TTN: variants seen among roughly 807,000 people sequenced by gnomAD.
TTN encodes the protein connectin.
TTN carries 1,525 observed loss-of-function variants against 3,223.0 expected under a neutral mutation model. The ratio of observed to expected loss-of-function variants is 0.47; its 90% confidence interval spans 0.45 to 0.49. TTN has a LOEUF of 0.49. Among genes scored for constraint, TTN ranks in the 20% least tolerant of loss-of-function variants. The probability of loss-of-function intolerance (pLI) is 0.00; values close to 1 mark genes in which losing one functional copy is unlikely to be tolerated. For synonymous variants in TTN, 14,094 were observed against 15,161.0 expected (o/e 0.93, Z 5.17); for missense variants, 40,786 against 43,424.0 (o/e 0.94, Z 5.40).
At position 178,537,663 on chromosome 2, in the gene TTN, C is replaced by T. The variant is rs1060500530; in HGVS notation, c.99544G>A (p.Val33182Ile). ...AGGAGAAGCTTACTACTGGTTTCTA[C>T]TTCTCCAACCTCATTGGTGGCTATG... ...TCIATNEVGE[V>I]ETSSKLLLQA... The change falls in exon 355 of 363, where the codon GTA becomes ATA. Residue 33182 changes from valine (V) to isoleucine (I), a missense_variant. By Grantham distance (29) the Val-to-Ile change is conservative. Coordinates refer to ENST00000589042, the MANE Select transcript of TTN (RefSeq NM_001267550.2). The T allele has an allele frequency of 2.5e-6, 4 of 1,613,692 alleles. No individual in the cohort carries two copies. Among genetic ancestry groups the T allele is most frequent in the Non-Finnish European group, 1.7e-6 (2 of 1,179,806 alleles).
At chr2:178,671,884 A>T in intron 155 of TTN, 87 bp downstream of exon 155, 1 of 1,434,534 alleles carries the variant, frequency 7.0e-7, no homozygotes, top group East Asian at 2.3e-5. Context: ...GGGGTTTCTA[A>T]TCTTCCAAAC....
At chr2:178,640,326 T>C (rs2061069954) in intron 221 of TTN, among the ~76,000 whole-genome samples, 2 of 152,026 alleles carry the variant, frequency 1.3e-5, no homozygotes, top group Admixed American at 6.6e-5. Flanking sequence ...ATTTATCTCA[T>C]TGCCCATAAA....
Position 178,586,101 on chromosome 2 carries a change from C to T in TTN, c.64396+404G>A, listed in dbSNP as rs565828698. On this transcript the variant is annotated intron_variant, in intron 308 of 362. Coordinates refer to ENST00000589042, the MANE Select transcript of TTN (RefSeq NM_001267550.2). ...TATTTCTCCACATCCTCTCTAGCAC[C>T]TGTTGTTTCCTGACTTTTTAGTGAT... Among the ~76,000 whole-genome samples, 3 of 152,188 alleles carry T rather than the reference C, an allele frequency of 2.0e-5. No individual in the cohort carries two copies. In the East Asian group the frequency reaches 5.8e-4, roughly 30 times the overall value.
At position 178,633,062 on chromosome 2, in the gene TTN, T is replaced by C; in HGVS notation, c.43087-18A>G. ...TCACAGTCCTGTTTGGAGTGAGGGT[T>C]AGAAGGAAAGAAAGAACATCATTTA... On this transcript the variant is annotated intron_variant, in intron 233 of 362. Transcript: ENST00000589042. 1 of 1,608,292 alleles carries C rather than the reference T, an allele frequency of 6.2e-7. No individual in the cohort carries two copies. The highest frequency in any genetic ancestry group is 1.1e-5 in the South Asian group (1 of 89,976).
chr2:178,628,551 T>C (rs1282139463), intron 240 of TTN, among the ~76,000 whole-genome samples: 2 of 152,064 alleles, frequency 1.3e-5, no homozygotes, highest in Non-Finnish European at 2.9e-5. Flanking sequence ...TTTAGGCAAA[T>C]TGTATTGTGG....
chr2:178,730,826 AG>A, intron 60 of TTN, 34 bp from the exon 61 acceptor site: 1 of 1,542,024 alleles, frequency 6.5e-7, no homozygotes, highest in Admixed American at 2.2e-5. Flanking sequence ...CAACAAAAAA[AG>A]GTCAATCTAC....
At position 178,636,299 on chromosome 2, in the gene TTN, T is replaced by G; in HGVS notation, c.41330-58A>C. ...TACAATATTTTCAATGAAATAAAAC[T>G]TGGAAATAAGAGGTTTTGTAAAACT... On this transcript the variant is annotated intron_variant, in intron 225 of 362. Coordinates refer to ENST00000589042, the MANE Select transcript of TTN (RefSeq NM_001267550.2). The surrounding 1 kb of genome is among the most constrained non-coding windows in gnomAD (Gnocchi z 4.3). 1 of 1,482,378 alleles carries G rather than the reference T, an allele frequency of 6.7e-7. No individual in the cohort carries two copies. The highest frequency in any genetic ancestry group is 2.5e-5 in the Admixed American group (1 of 39,400). 91.8% of individuals were successfully genotyped at this position (1,482,378 alleles called of 1,614,324 possible). A position where few individuals can be genotyped will look rare whatever the true frequency, so the allele number is the denominator to read the frequency against.
At position 178,770,673 on chromosome 2, in the gene TTN, C is replaced by T. The variant is rs376758159; in HGVS notation, c.8119G>A (p.Val2707Ile). 7 of 1,610,430 alleles carry T rather than the reference C, an allele frequency of 4.3e-6. No homozygotes were observed. The highest frequency in any genetic ancestry group is 1.3e-5 in the African/African-American group (1 of 74,876). Residue 2707 changes from valine to isoleucine, a missense_variant and splice_region_variant, in exon 35 of 363, where the codon GTC becomes ATC. Physicochemically the swap from Val to Ile is conservative, Grantham distance 29 (BLOSUM62 3). Coordinates refer to ENST00000589042, the MANE Select transcript of TTN (RefSeq NM_001267550.2). ...KTSAKLKVEA[V>I]KIKKTLKNLT... ...TTCTTCAGAGTCTTCTTAATTTTGACAGCTAAAGACAAATTTATGATTGGG... is the reference window on the plus strand; with the variant it reads ...TTCTTCAGAGTCTTCTTAATTTTGATAGCTAAAGACAAATTTATGATTGGG...
chr2:178,701,060 T>C (rs2074877617), intron 111 of TTN, 60 bp downstream of exon 111: 1 of 1,538,516 alleles, frequency 6.5e-7, no homozygotes, highest in Admixed American at 1.7e-5. Context: ...TTAAGCAACA[T>C]TTTTCGGGTC....
intron 52 of TTN, 36 bp downstream of exon 52, chr2:178,734,292 A>G (rs187658908): frequency 2.0e-6 from 3 of 1,515,932 alleles, no homozygotes; most frequent in African/African-American, 2.8e-5. Context: ...TAGTTTGACA[A>G]TTTATTAAAG....
chr2:178,636,876 A>G lies in TTN; in HGVS notation c.40928-77T>C. 1 of 1,457,744 alleles carries G rather than the reference A, an allele frequency of 6.9e-7. No homozygotes were observed. The highest frequency in any genetic ancestry group is 9.1e-7 in the Non-Finnish European group (1 of 1,098,784). The allele number at this position is 1,457,744 out of a possible 1,614,324, so 90.3% of individuals were successfully genotyped here. ...AAGTTCATACTTGGCTGCCTGCTGGATAAAACCAGCCGTAAAGCAATTAGA... is the reference window on the plus strand; with the variant it reads ...AAGTTCATACTTGGCTGCCTGCTGGGTAAAACCAGCCGTAAAGCAATTAGA... On this transcript the variant is annotated intron_variant, in intron 224 of 362. Transcript: ENST00000589042. This position sits in a 1 kb window ranked among gnomAD's most constrained non-coding sequence, Gnocchi z 4.3.
intron 243 of TTN, 42 bp from the exon 244 acceptor site, chr2:178,622,050 C>A: frequency 6.5e-7 from 1 of 1,541,078 alleles, no homozygotes; most frequent in South Asian, 1.2e-5. Context: ...CTTGTTGTTC[C>A]TTCACACAGG....
rs896934140 is a variant in TTN, at chr2:178,583,880, C to G, written c.65302G>C (p.Asp21768His). Reference protein sequence around the residue: ...VDPPGKPEVIDVTKSTVSLIW... With the variant: ...VDPPGKPEVIHVTKSTVSLIW... ...AGAGATACAGTACTCTTGGTGACAT[C>G]AATAACCTCAGGTTTCCCAGGAGGA... Residue 21768 changes from aspartate (D) to histidine (H), a missense_variant, in exon 312 of 363, where the codon GAT becomes CAT. Asp to His is a moderately conservative substitution (Grantham distance 81). Transcript: ENST00000589042. 2 of 1,591,034 alleles carry G rather than the reference C, an allele frequency of 1.3e-6. No homozygotes were observed. The highest frequency in any genetic ancestry group is 1.7e-6 in the Non-Finnish European group (2 of 1,165,564).
At position 178,550,024 on chromosome 2, in the gene TTN, G is replaced by C; in HGVS notation, c.91814C>G (p.Ser30605Cys). 3.1e-6 allele frequency: 5 copies of C among 1,611,228 alleles called. No individual in the cohort carries two copies. Among genetic ancestry groups the C allele is most frequent in the Non-Finnish European group, 4.2e-6 (5 of 1,177,834 alleles). Residue 30605 changes from serine (S) to cysteine (C), a missense_variant, in exon 337 of 363, where the codon TCT (serine) becomes TGT (cysteine). Ser to Cys is a moderately radical substitution (Grantham distance 112, BLOSUM62 -1). Transcript: ENST00000589042. ...TTTAATTTCTGCTTTTGCAGAACCA[G>C]ATGCATTTTTGGCTTCCACTGTGTA... The part of the protein sequence containing the change: ...GVYTVEAKNA[S>C]GSAKAEIKVK...
At chr2:178,767,627 CAAGT>C in intron 40 of TTN, 128 bp downstream of exon 40, 2 of 1,326,908 alleles carry the variant, frequency 1.5e-6, no homozygotes, top group South Asian at 2.5e-5. Flanking sequence ...GAGTCTAAGC[CAAGT>C]AAGAATGAGC....
In TTN at chr2:178,675,727, G is replaced by A. The variant is rs2067939019; in HGVS notation, c.34481C>T (p.Pro11494Leu). 8 of 1,432,520 alleles carry A rather than the reference G, an allele frequency of 5.6e-6. No individual in the cohort carries two copies. The highest frequency in any genetic ancestry group is 7.3e-6 in the Non-Finnish European group (8 of 1,102,346). 88.7% of individuals were successfully genotyped at this position (1,432,520 alleles called of 1,614,324 possible). ...KVSVVPKKPE[P>L]EKKVPPPGLK... ...ACCAGGAGGAGGGACCTTCTTTTCT[G>A]GCTCAGGTTTCTTAGGTACCACAGA... Residue 11494 changes from proline (P) to leucine (L), a missense_variant, in exon 149 of 363, where the codon CCA becomes CTA. By Grantham distance (98) the Pro-to-Leu change is moderately conservative (BLOSUM62 -3). Transcript: ENST00000589042.
At chr2:178,640,253 T>C in intron 221 of TTN, 143 bp from the exon 222 acceptor site, 1 of 817,418 alleles carries the variant, frequency 1.2e-6, no homozygotes, top group Non-Finnish European at 1.9e-6. Context: ...TTTGATTAGT[T>C]TTCATTTTAA....
chr2:178,671,731 A>G (rs1324042514), intron 155 of TTN, among the ~76,000 whole-genome samples: 1 of 151,764 alleles, frequency 6.6e-6, no homozygotes, highest in Non-Finnish European at 1.5e-5. Context: ...AGATTTAAAA[A>G]ATAATCCCCA....
At chr2:178,559,277 G>T in intron 326 of TTN, 34 bp downstream of exon 326, 1 of 1,516,648 alleles carries the variant, frequency 6.6e-7, no homozygotes, top group South Asian at 1.3e-5. Flanking sequence ...AAATTAACGT[G>T]GATATGTAGA....
Sources: gnomAD v4.1 joint callset for allele counts (sites outside exome capture counted in the v4.1 genomes callset) on GRCh38, gnomAD v4.1.1 for gene constraint, Gnocchi (gnomAD v3.1) non-coding constraint, MANE v1.5 for transcripts, NCBI Gene and HGNC (gene_info 2026-07-23, HGNC 2026-07-21) for gene names.